The following GPR153 variants were observed in gnomAD, a reference collection of about 807,000 sequenced individuals.
GPR153 encodes the protein probable G protein-coupled receptor 153.
In GPR153, 27 loss-of-function variants were observed where a neutral mutation model predicts 34.1. The ratio of observed to expected loss-of-function variants is 0.79; its 90% CI spans 0.58 to 1.09. The LOEUF (loss-of-function observed/expected upper bound fraction) is 1.09, where lower values mean the gene tolerates loss of function less well. Among genes scored for constraint, GPR153 ranks in the 50% least tolerant of loss-of-function variants. The probability of loss-of-function intolerance (pLI) is 0.00; values close to 1 mark genes in which losing one functional copy is unlikely to be tolerated. For missense variants in GPR153, 848 were observed against 860.2 expected, an observed-to-expected ratio of 0.99 and a Z score of 0.18; for synonymous variants, 408 against 405.4, an observed-to-expected ratio of 1.01 and a Z score of -0.08.
intron 1 of GPR153, among the ~76,000 whole-genome samples, chr1:6,255,834 A>C (rs1266044403): frequency 1.3e-5 from 2 of 151,366 alleles, no homozygotes; most frequent in Non-Finnish European, 2.9e-5. Flanking sequence ...TTGTGTTTTT[A>C]GTAGAGATGG....
In GPR153 at chr1:6,249,683, C is replaced by T; in HGVS notation, c.1485G>A (p.Ser495=). The change falls in exon 6 of 6, where the codon TCG becomes TCA. Residue 495 remains serine, a synonymous_variant. Coordinates refer to ENST00000377893, the MANE Select transcript of GPR153 (RefSeq NM_207370.4). This position sits in a 1 kb window ranked among gnomAD's most constrained non-coding sequence, Gnocchi z 4.3. The part of the protein sequence containing the change: ...RRPGPGPRSA[S]ASLLPDAFAL... ...CGAAGGCGTCGGGCAGCAGCGAGGC[C>T]GAGGCGGAGCGGGGGCCGGGCCCGG... 1 of 1,053,766 alleles carries T rather than the reference C, an allele frequency of 9.5e-7. No individual in the cohort carries two copies. The highest frequency in any genetic ancestry group is 1.1e-6 in the Non-Finnish European group (1 of 876,226). 65.3% of individuals were successfully genotyped at this position (1,053,766 alleles called of 1,614,324 possible).
At chr1:6,260,252 G>C (rs1167239528) in intron 1 of GPR153, among the ~76,000 whole-genome samples, 1 of 151,794 alleles carries the variant, frequency 6.6e-6, no homozygotes, top group Non-Finnish European at 1.5e-5. Context: ...CGCTGCAGCC[G>C]ATGTGTTCCA....
intron 2 of GPR153, 139 bp from the exon 3 acceptor site, chr1:6,254,286 G>T: frequency 1.2e-6 from 1 of 823,302 alleles, no homozygotes; most frequent in South Asian, 1.7e-5. Flanking sequence ...CAGCCAGTGT[G>T]GCAGGGCCTT....
At chr1:6,258,872 T>C (rs1031048832) in intron 1 of GPR153, among the ~76,000 whole-genome samples, 4 of 152,060 alleles carry the variant, frequency 2.6e-5, no homozygotes, top group African/African-American at 9.7e-5. Flanking sequence ...TGCAGGGTGG[T>C]AAGGAAAGAG....
At chr1:6,250,689 G>A (rs1638429044) in intron 4 of GPR153, 65 bp from the exon 5 acceptor site, 2 of 761,102 alleles carry the variant, frequency 2.6e-6, no homozygotes, top group South Asian at 3.4e-5. Flanking sequence ...GGGCATCTGG[G>A]AGGGAATCCC....
Position 6,250,623 on chromosome 1 carries a change from CT to C in GPR153, c.980del (p.Glu327GlyfsTer29). 8.5e-7 allele frequency: 1 copy of C among 1,181,012 alleles called. No individual in the cohort carries two copies. Among genetic ancestry groups the C allele is most frequent in the Non-Finnish European group, 1.1e-6 (1 of 881,506 alleles). 73.2% of individuals were successfully genotyped at this position (1,181,012 alleles called of 1,614,324 possible). A position where few individuals can be genotyped will look rare whatever the true frequency, so the allele number is the denominator to read the frequency against. On this transcript the variant is annotated frameshift_variant and splice_region_variant, in exon 5 of 6. Coordinates refer to ENST00000377893, the MANE Select transcript of GPR153 (RefSeq NM_207370.4). LOFTEE classifies it high-confidence loss of function. Reference sequence around the variant, plus strand: ...GGGAGATGCCACCTTCCAGGCTGGTCTCTGTAGGGTGGGGGGTGGGTGGGGG... The same window carrying C: ...GGGAGATGCCACCTTCCAGGCTGGTCCTGTAGGGTGGGGGGTGGGTGGGGG... The part of the protein sequence containing the change: ...LMANDEESDD[E>X]TSLEGGISPD...
chr1:6,259,254 CCT>C (rs1638623225), intron 1 of GPR153, among the ~76,000 whole-genome samples: 1 of 152,130 alleles, frequency 6.6e-6, no homozygotes. Flanking sequence ...AGAGTGAGAC[CCT>C]GTCTTAAAAA....
In GPR153 at chr1:6,249,888, A is replaced by T. The variant is rs1349430739; in HGVS notation, c.1280T>A (p.Leu427Gln). ...SGEDLAALAH[L>Q]VLPAGPERRR... ...CCGCTCGGGCCCGGCAGGCAGCACC[A>T]GGTGCGCCAGGGCGGCCAGGTCCTC... Residue 427 changes from leucine to glutamine, a missense_variant, in exon 6 of 6, where the codon CTG becomes CAG. Leu to Gln is a moderately radical substitution (Grantham distance 113). Coordinates refer to ENST00000377893, the MANE Select transcript of GPR153 (RefSeq NM_207370.4). The surrounding 1 kb of genome is among the most constrained non-coding windows in gnomAD (Gnocchi z 4.3). The T allele has an allele frequency of 1.5e-6, 2 of 1,293,732 alleles. No individual in the cohort carries two copies. Among genetic ancestry groups the T allele is most frequent in the Non-Finnish European group, 2.0e-6 (2 of 1,017,220 alleles). The allele number at this position is 1,293,732 out of a possible 1,614,324, so 80.1% of individuals were successfully genotyped here. A position where few individuals can be genotyped will look rare whatever the true frequency, so the allele number is the denominator to read the frequency against.
In GPR153 at chr1:6,249,316, C is replaced by A. The variant is rs571099896; in HGVS notation, c.*22G>T. The A allele has an allele frequency of 7.9e-7, 1 of 1,258,862 alleles. No homozygotes were observed. 78.0% of individuals were successfully genotyped at this position (1,258,862 alleles called of 1,614,324 possible). A position where few individuals can be genotyped will look rare whatever the true frequency, so the allele number is the denominator to read the frequency against. ...GAGAGCGGCCTGGCCTGCCTGGCGT[C>A]CGTGGGGAGGCGCCGGCGGTCCTAG... On this transcript the variant is annotated 3_prime_UTR_variant, in exon 6 of 6. Coordinates refer to ENST00000377893, the MANE Select transcript of GPR153 (RefSeq NM_207370.4). The surrounding 1 kb of genome is among the most constrained non-coding windows in gnomAD (Gnocchi z 4.3).
At chr1:6,260,384 C>A (rs904425606) in intron 1 of GPR153, among the ~76,000 whole-genome samples, 1 of 64,116 alleles carries the variant, frequency 1.6e-5, no homozygotes. Flanking sequence ...GATCCCCCCC[C>A]CCCCCCGCAA....
rs1236182215 is a variant in GPR153, at chr1:6,249,077, T to C, written c.*261A>G. On this transcript the variant is annotated 3_prime_UTR_variant, in exon 6 of 6. Transcript: ENST00000377893. The surrounding 1 kb of genome is among the most constrained non-coding windows in gnomAD (Gnocchi z 4.3). ...TGTCACTCACTACCCAAGCCCAAGC[T>C]TGGGATGTCACTCAGCTCCCCAGGC... is the stretch of plus-strand genomic sequence containing the variant. 2.9e-6 allele frequency: 1 copy of C among 342,968 alleles called. No homozygotes were observed. Among genetic ancestry groups the C allele is most frequent in the Non-Finnish European group, 5.2e-6 (1 of 190,696 alleles). The allele number at this position is 342,968 out of a possible 1,614,324, so 21.2% of individuals were successfully genotyped here.
chr1:6,250,140 A>G, intron 5 of GPR153, 137 bp from the exon 6 acceptor site: 1 of 1,328,314 alleles, frequency 7.5e-7, no homozygotes, highest in South Asian at 2.5e-5. Context: ...GGGAGCTGTG[A>G]GGTTTGGTGC....
intron 1 of GPR153, among the ~76,000 whole-genome samples, chr1:6,257,543 C>T (rs977436710): frequency 6.6e-6 from 1 of 152,230 alleles, no homozygotes. Flanking sequence ...CTGAGGTGGA[C>T]AGGAGCCACA....
Position 6,250,008 on chromosome 1 carries a change from C to A in GPR153, c.1165-5G>T. The A allele has an allele frequency of 8.0e-7, 1 of 1,257,746 alleles. No homozygotes were observed. Among genetic ancestry groups the A allele is most frequent in the South Asian group, 3.6e-5 (1 of 27,448 alleles). 77.9% of individuals were successfully genotyped at this position (1,257,746 alleles called of 1,614,324 possible). On this transcript the variant is annotated splice_region_variant and splice_polypyrimidine_tract_variant and intron_variant, in intron 5 of 5. Coordinates refer to ENST00000377893, the MANE Select transcript of GPR153 (RefSeq NM_207370.4). ...GAAGCGCCGCGTGGGCGGGACCTGT[C>A]AGGACGCGGCTGGCTTTTACCCCGA...
Position 6,251,332 on chromosome 1 carries a change from C to T in GPR153, c.979+6G>A, listed in dbSNP as rs369309108. On this transcript the variant is annotated splice_donor_region_variant and intron_variant, in intron 4 of 5. Transcript: ENST00000377893. This position sits in a 1 kb window ranked among gnomAD's most constrained non-coding sequence, Gnocchi z 4.9. Reference sequence around the variant, plus strand: ...CTCCCTGGGGCCACTCTCAGGCCATCCTCACCATCGTCTGACTCCTCGTCG... The same window carrying T: ...CTCCCTGGGGCCACTCTCAGGCCATTCTCACCATCGTCTGACTCCTCGTCG... 145 of 1,596,908 alleles carry T rather than the reference C, an allele frequency of 9.1e-5. No homozygotes were observed. Among genetic ancestry groups the T allele is most frequent in the Non-Finnish European group, 1.2e-4 (138 of 1,169,748 alleles).
chr1:6,258,009 C>T (rs4908872), intron 1 of GPR153, among the ~76,000 whole-genome samples: 92,263 of 152,104 alleles, frequency 0.61, 29,460 homozygotes, highest in Admixed American at 0.72. Context: ...GCCCCATGTC[C>T]CCCAGAGAGG....
In GPR153 at chr1:6,251,936, C is replaced by T. The variant is rs1000203967; in HGVS notation, c.787-406G>A. Among the ~76,000 whole-genome samples the T allele has an allele frequency of 5.9e-5, 9 of 152,246 alleles. No homozygotes were observed. Among genetic ancestry groups the T allele is most frequent in the African/African-American group, 1.4e-4 (6 of 41,542 alleles). ...TCGGCCTCCCAAAGTGCTGGGATTA[C>T]GGGTATGAATCACTGTGCCCGGCTG... On this transcript the variant is annotated intron_variant, in intron 3 of 5. Coordinates refer to ENST00000377893, the MANE Select transcript of GPR153 (RefSeq NM_207370.4). This position sits in a 1 kb window ranked among gnomAD's most constrained non-coding sequence, Gnocchi z 4.9.
rs1638348162 is a variant in GPR153 at position 6,248,384 on chromosome 1, C to T, written c.*954G>A. The T allele has an allele frequency of 1.3e-5, 2 of 152,172 alleles. No individual in the cohort carries two copies. The highest frequency in any genetic ancestry group is 1.3e-4 in the Admixed American group (2 of 15,268). 9.4% of individuals were successfully genotyped at this position (152,172 alleles called of 1,614,324 possible). A position where few individuals can be genotyped will look rare whatever the true frequency, so the allele number is the denominator to read the frequency against. ...ACACGGAAGGCCAGGCCCTGCTGCC[C>T]TCGTGCTCTCCGCTTGCACCTGCCA... On this transcript the variant is annotated 3_prime_UTR_variant, in exon 6 of 6. Transcript: ENST00000377893.
Position 6,249,477 on chromosome 1 carries a change from C to T in GPR153, c.1691G>A (p.Gly564Asp). 7.7e-7 allele frequency: 1 copy of T among 1,300,388 alleles called. No homozygotes were observed. Among genetic ancestry groups the T allele is most frequent in the South Asian group, 2.4e-5 (1 of 42,362 alleles). 80.6% of individuals were successfully genotyped at this position (1,300,388 alleles called of 1,614,324 possible). The change falls in exon 6 of 6, where the codon GGC (glycine) becomes GAC (aspartate). Residue 564 changes from glycine to aspartate, a missense_variant. Transcript: ENST00000377893. This position sits in a 1 kb window ranked among gnomAD's most constrained non-coding sequence, Gnocchi z 4.3. ...GGGCTCGCCCCACGACGCGCTCAGGCCGGGGCGCAGAGAGCCGGCGTGCGA... is the reference window on the plus strand; with the variant it reads ...GGGCTCGCCCCACGACGCGCTCAGGTCGGGGCGCAGAGAGCCGGCGTGCGA... ...AHSHAGSLRP[G>D]LSASWGEPGG... is the part of the protein sequence containing the mutation.
Sources: allele counts gnomAD v4.1 joint callset (sites outside exome capture counted in the v4.1 genomes callset), GRCh38; gene constraint gnomAD v4.1.1; non-coding constraint Gnocchi (gnomAD v3.1); transcripts MANE v1.5; gene names NCBI Gene and HGNC (gene_info 2026-07-23, HGNC 2026-07-21).